NR1I2: variants seen among roughly 807,000 people sequenced by gnomAD.
The protein encoded by NR1I2 is nuclear receptor subfamily 1 group I member 2.
NR1I2 carries 42 observed loss-of-function variants against 43.3 expected under a neutral mutation model. The ratio of observed to expected loss-of-function variants is 0.97; its 90% CI spans 0.76 to 1.26. The LOEUF (loss-of-function observed/expected upper bound fraction) is 1.26. NR1I2 is among the 50% of genes most tolerant of loss of function. NR1I2 has a pLI of 0.00. For synonymous variants in NR1I2, 229 were observed against 215.0 expected (o/e 1.06, Z -0.57); for missense variants, 559 against 566.7 (o/e 0.99, Z 0.14).
intron 2 of NR1I2, among the ~76,000 whole-genome samples, chr3:119,809,541 G>A (rs1253082746): frequency 1.3e-5 from 2 of 148,606 alleles, no homozygotes; most frequent in African/African-American, 4.9e-5. Context: ...AGAAGGCGGC[G>A]GGGGGTGGGG....
intron 1 of NR1I2, among the ~76,000 whole-genome samples, chr3:119,799,985 A>ACACACAC (rs1553717730): frequency 7.0e-5 from 10 of 142,402 alleles, no homozygotes; most frequent in African/African-American, 2.6e-4. Context: ...CAAACAAACA[A>ACACACAC]ACACACACAC....
At chr3:119,790,312 A>G (rs912854129) in intron 1 of NR1I2, among the ~76,000 whole-genome samples, 17 of 152,074 alleles carry the variant, frequency 1.1e-4, no homozygotes, top group African/African-American at 3.6e-4. Flanking sequence ...TCATCAGTTG[A>G]TGAAATTTGG....
intron 6 of NR1I2, 21 bp downstream of exon 6, chr3:119,815,142 G>C: frequency 6.2e-7 from 1 of 1,614,086 alleles, no homozygotes; most frequent in Non-Finnish European, 8.5e-7. Flanking sequence ...GAGCCTGCCT[G>C]CCCTGGCAGA....
chr3:119,790,111 C>A (rs1022823869), intron 1 of NR1I2, among the ~76,000 whole-genome samples: 4 of 152,192 alleles, frequency 2.6e-5, no homozygotes, highest in African/African-American at 7.2e-5. Flanking sequence ...CAGCCCCTGG[C>A]AACCACCATT....
chr3:119,799,628 T>G (rs1182497011), intron 1 of NR1I2, among the ~76,000 whole-genome samples: 1 of 152,136 alleles, frequency 6.6e-6, no homozygotes, highest in Non-Finnish European at 1.5e-5. Context: ...AGGAATAGAA[T>G]AAGTCTTCCG....
At chr3:119,813,934 T>C (rs1199749621) in intron 5 of NR1I2, among the ~76,000 whole-genome samples, 10 of 152,124 alleles carry the variant, frequency 6.6e-5, no homozygotes, top group Non-Finnish European at 1.3e-4. Context: ...CCATCTTCAT[T>C]CTCAGATAGA....
chr3:119,787,904 T>C (rs2054867144), intron 1 of NR1I2, among the ~76,000 whole-genome samples: 1 of 152,042 alleles, frequency 6.6e-6, no homozygotes, highest in South Asian at 2.1e-4. Context: ...ATGATTTTTG[T>C]TTTTTTATCC....
At chr3:119,799,923 A>G (rs925171356) in intron 1 of NR1I2, among the ~76,000 whole-genome samples, 2 of 152,038 alleles carry the variant, frequency 1.3e-5, no homozygotes, top group Non-Finnish European at 2.9e-5. Flanking sequence ...GAGGTTGTGC[A>G]CCACTGCACT....
At chr3:119,812,441 G>A (rs1409611919) in intron 4 of NR1I2, among the ~76,000 whole-genome samples, 2 of 152,184 alleles carry the variant, frequency 1.3e-5, no homozygotes, top group African/African-American at 2.4e-5. Flanking sequence ...AGGGATGTGT[G>A]TGACCATTAA....
Position 119,782,830 on chromosome 3 carries a change from G to C in NR1I2, c.-23+530G>C, listed in dbSNP as rs919666267. 7 of 1,613,972 alleles carry C rather than the reference G, an allele frequency of 4.3e-6. No homozygotes were observed. The African/African-American group carries it at 6.7e-5, about 15-fold the overall frequency. On this transcript the variant is annotated intron_variant, in intron 1 of 8. Coordinates refer to ENST00000393716, the MANE Select transcript of NR1I2 (RefSeq NM_003889.4). ...ACCTGCCATACCCCTGCACAGTGCTGCGGCTGAGTTGGCTTCAAACCAGTG... is the reference window on the plus strand; with the variant it reads ...ACCTGCCATACCCCTGCACAGTGCTCCGGCTGAGTTGGCTTCAAACCAGTG...
chr3:119,815,145 C>T, intron 6 of NR1I2, 24 bp downstream of exon 6: 1 of 1,614,074 alleles, frequency 6.2e-7, no homozygotes, highest in Non-Finnish European at 8.5e-7. Flanking sequence ...CCTGCCTGCC[C>T]TGGCAGAGGG....
chr3:119,804,768 A>T (rs2055128125), intron 1 of NR1I2, among the ~76,000 whole-genome samples: 1 of 152,076 alleles, frequency 6.6e-6, no homozygotes, highest in African/African-American at 2.4e-5. Context: ...TTTCTACCAT[A>T]CATCTGTGTT....
intron 1 of NR1I2, among the ~76,000 whole-genome samples, chr3:119,797,534 T>A (rs1473278833): frequency 1.3e-5 from 2 of 152,064 alleles, no homozygotes; most frequent in East Asian, 3.9e-4. Context: ...GAGGAGAAAA[T>A]GAAAATAATT....
intron 1 of NR1I2, among the ~76,000 whole-genome samples, chr3:119,802,566 A>T (rs1250221744): frequency 4.6e-5 from 7 of 152,164 alleles, no homozygotes; most frequent in African/African-American, 1.4e-4. Flanking sequence ...AACTGTCTCC[A>T]TTGCCCCAGG....
intron 1 of NR1I2, among the ~76,000 whole-genome samples, chr3:119,799,833 AG>A (rs1402196906): frequency 6.6e-6 from 1 of 152,096 alleles, no homozygotes; most frequent in African/African-American, 2.4e-5. Flanking sequence ...TACAAAAATT[AG>A]CTGGGCGTGG....
intron 1 of NR1I2, among the ~76,000 whole-genome samples, chr3:119,805,657 G>A (rs543538412): frequency 6.6e-6 from 1 of 151,340 alleles, no homozygotes; most frequent in East Asian, 2.0e-4. Context: ...GAACTTAGAT[G>A]GAGCCACTGC....
At chr3:119,787,801 A>T (rs1004333001) in intron 1 of NR1I2, among the ~76,000 whole-genome samples, 1 of 152,098 alleles carries the variant, frequency 6.6e-6, no homozygotes, top group African/African-American at 2.4e-5. Flanking sequence ...ACATAATTAA[A>T]TATATGTAAT....
chr3:119,809,500 C>T (rs1216202903), intron 2 of NR1I2, among the ~76,000 whole-genome samples: 1 of 150,594 alleles, frequency 6.6e-6, no homozygotes, highest in East Asian at 2.0e-4. Flanking sequence ...ACCCCTTCCT[C>T]CCTGGCCGCC....
intron 1 of NR1I2, among the ~76,000 whole-genome samples, chr3:119,786,049 T>A (rs1023169040): frequency 1.3e-5 from 2 of 152,210 alleles, no homozygotes; most frequent in African/African-American, 2.4e-5. Context: ...TTGATTAATT[T>A]CCTTATCATA....
Sources: gnomAD v4.1 joint callset for allele counts (sites outside exome capture counted in the v4.1 genomes callset) on GRCh38, gnomAD v4.1.1 for gene constraint, MANE v1.5 for transcripts, NCBI Gene and HGNC (gene_info 2026-07-23, HGNC 2026-07-21) for gene names.